The following PKHD1 variants were observed in gnomAD, a reference collection of about 807,000 sequenced individuals.
The protein encoded by PKHD1 is PKHD1 ciliary IPT domain containing fibrocystin/polyductin.
A neutral mutation model predicts 412.0 loss-of-function variants in PKHD1; 291 were observed. The ratio of observed to expected loss-of-function variants is 0.71; its 90% CI spans 0.64 to 0.78. PKHD1 has a LOEUF of 0.78. Ranked by LOEUF, PKHD1 falls within the 30% of genes least tolerant of loss-of-function variation. The pLI, the probability that PKHD1 is intolerant of heterozygous loss-of-function variation, is 0.00. For missense variants in PKHD1, 4,825 were observed against 4,950.7 expected (o/e 0.97, Z 0.76); for synonymous variants, 1,777 against 1,821.5 (o/e 0.98, Z 0.62).
chr6:51,999,290 A>G (rs572311463), intron 35 of PKHD1, among the ~76,000 whole-genome samples: 9 of 152,064 alleles, frequency 5.9e-5, no homozygotes, highest in Non-Finnish European at 2.9e-5. Context: ...CATTCCTCCC[A>G]ATGCTCCTGC....
At chr6:52,061,911 T>C (rs1229626868) in intron 14 of PKHD1, among the ~76,000 whole-genome samples, 2 of 152,210 alleles carry the variant, frequency 1.3e-5, no homozygotes, top group Non-Finnish European at 1.5e-5. Flanking sequence ...AAGTTTACTT[T>C]AGAATACTAG....
rs147347001 is a variant in PKHD1, at chr6:51,891,083, C to T, written c.6997-3838G>A. Reference sequence around the variant, plus strand: ...TCACACAGCTCAGGGAGTTTTACTACATTCTCAGTAAGGATGGATTGAGAG... The same window carrying T: ...TCACACAGCTCAGGGAGTTTTACTATATTCTCAGTAAGGATGGATTGAGAG... On this transcript the variant is annotated intron_variant, in intron 43 of 66. Transcript: ENST00000371117. 2.5e-3 allele frequency among the ~76,000 whole-genome samples: 375 copies of T among 152,330 alleles called. 3 individuals are homozygous for T. Among genetic ancestry groups the T allele is most frequent in the African/African-American group, 8.1e-3 (335 of 41,570 alleles).
intron 37 of PKHD1, among the ~76,000 whole-genome samples, chr6:51,917,473 G>A (rs1784006976): frequency 6.6e-6 from 1 of 151,984 alleles, no homozygotes; most frequent in Admixed American, 6.6e-5. Context: ...ACAAGAAATA[G>A]ACAAAAATCA....
chr6:52,067,820 A>G (rs1428906390), intron 11 of PKHD1, among the ~76,000 whole-genome samples: 3 of 152,170 alleles, frequency 2.0e-5, no homozygotes, highest in Non-Finnish European at 4.4e-5. Flanking sequence ...AGTTTGCCCC[A>G]TTTCCAGTAG....
chr6:51,984,066 C>T (rs1795919229), intron 35 of PKHD1, among the ~76,000 whole-genome samples: 1 of 152,178 alleles, frequency 6.6e-6, no homozygotes. Flanking sequence ...GATTTGAAAA[C>T]TCTGAGTTAT....
In PKHD1 at chr6:51,736,337, C is replaced by T. The variant is rs187370036; in HGVS notation, c.10156+8048G>A. Among the ~76,000 whole-genome samples the T allele has an allele frequency of 3.3e-5, 5 of 152,232 alleles. No individual in the cohort carries two copies. The East Asian group carries it at 9.7e-4, about 29-fold the overall frequency. ...AGCATGGACTACTTTGAAATGTAAT[C>T]AAATATTGTTATGGCATTCACTGCC... On this transcript the variant is annotated intron_variant, in intron 60 of 66. Coordinates refer to ENST00000371117, the MANE Select transcript of PKHD1 (RefSeq NM_138694.4).
At chr6:51,812,481 A>G (rs1764842950) in intron 52 of PKHD1, among the ~76,000 whole-genome samples, 1 of 152,164 alleles carries the variant, frequency 6.6e-6, no homozygotes, top group Non-Finnish European at 1.5e-5. Flanking sequence ...CTGCCTTTGG[A>G]ATTTAGGTAC....
chr6:51,843,598 C>G (rs1264349950), intron 50 of PKHD1, among the ~76,000 whole-genome samples: 3 of 152,170 alleles, frequency 2.0e-5, no homozygotes, highest in African/African-American at 7.2e-5. Flanking sequence ...GGATTTTTCT[C>G]CCAACTTTGC....
intron 59 of PKHD1, 128 bp downstream of exon 59, chr6:51,746,593 A>G (rs955754262): frequency 5.8e-6 from 4 of 691,720 alleles, no homozygotes; most frequent in Non-Finnish European, 1.0e-5. Context: ...AAGTTAATGT[A>G]CCTTACCATT....
At chr6:51,692,787 T>C (rs1216480132) in intron 60 of PKHD1, among the ~76,000 whole-genome samples, 2 of 152,306 alleles carry the variant, frequency 1.3e-5, no homozygotes, top group East Asian at 3.9e-4. Flanking sequence ...ATTTATTGTT[T>C]AATTTTTCTC....
At chr6:51,781,651 A>T (rs1428692150) in intron 53 of PKHD1, among the ~76,000 whole-genome samples, 2 of 152,066 alleles carry the variant, frequency 1.3e-5, no homozygotes, top group Non-Finnish European at 2.9e-5. Context: ...TATATGGCAC[A>T]GTGTCTGTAC....
chr6:51,945,809 T>C (rs1055420321), intron 36 of PKHD1, among the ~76,000 whole-genome samples: 8 of 152,170 alleles, frequency 5.3e-5, no homozygotes, highest in African/African-American at 1.7e-4. Context: ...CAGCCCAGAA[T>C]ACACAGAACC....
intron 53 of PKHD1, among the ~76,000 whole-genome samples, chr6:51,786,935 T>C (rs768279329): frequency 2.0e-5 from 3 of 152,232 alleles, no homozygotes; most frequent in Non-Finnish European, 2.9e-5. Context: ...GAAATTGAGT[T>C]TGGCATTTGT....
Position 51,868,037 on chromosome 6 carries a change from T to G in PKHD1, c.7559A>C (p.His2520Pro), listed in dbSNP as rs1427622456. ...ATCCAAGTCTTCCAAAATTGCTGCA[T>G]GAGGAAATGGAAATGCCACTAAGTT... ...SSNLVAFPFP[H>P]AAILEDLDGS... The change falls in exon 48 of 67, where the codon CAT becomes CCT. Residue 2520 changes from histidine (H) to proline (P), a missense_variant. His to Pro is a moderately conservative substitution (Grantham distance 77). Transcript: ENST00000371117. 1 of 1,612,000 alleles carries G rather than the reference T, an allele frequency of 6.2e-7. No homozygotes were observed. Among genetic ancestry groups the G allele is most frequent in the Admixed American group, 1.7e-5 (1 of 59,938 alleles).
intron 60 of PKHD1, among the ~76,000 whole-genome samples, chr6:51,698,202 T>C (rs995495914): frequency 3.3e-5 from 5 of 152,154 alleles, no homozygotes; most frequent in Admixed American, 6.5e-5. Context: ...TCTAGAGGTA[T>C]AAAACCCATT....
In PKHD1 at chr6:51,630,332, C is replaced by A. The variant is rs547309186; in HGVS notation, c.11665+2233G>T. ...ATACTTCAGCAAAAACAATACATTG[C>A]AATAGGTCGAATGCAGAAGCTGCCA... On this transcript the variant is annotated intron_variant, in intron 65 of 66. Coordinates refer to ENST00000371117, the MANE Select transcript of PKHD1 (RefSeq NM_138694.4). Among the ~76,000 whole-genome samples, 4 of 152,230 alleles carry A rather than the reference C, an allele frequency of 2.6e-5. No individual in the cohort carries two copies. In the South Asian group the frequency reaches 8.3e-4, roughly 32 times the overall value.
chr6:51,782,585 T>G (rs1792203744), intron 53 of PKHD1, among the ~76,000 whole-genome samples: 2 of 152,184 alleles, frequency 1.3e-5, no homozygotes, highest in Non-Finnish European at 2.9e-5. Flanking sequence ...AAACAACCGT[T>G]AGTTTGATTA....
chr6:51,861,430 A>T (rs1337608729), intron 48 of PKHD1, among the ~76,000 whole-genome samples: 1 of 152,196 alleles, frequency 6.6e-6, no homozygotes, highest in Non-Finnish European at 1.5e-5. Context: ...TGTGAAATAA[A>T]TCCTCTGTAA....
chr6:51,665,696 T>A (rs1264694701), intron 60 of PKHD1, among the ~76,000 whole-genome samples: 1 of 152,150 alleles, frequency 6.6e-6, no homozygotes, highest in Non-Finnish European at 1.5e-5. Context: ...TCTCTTAAAA[T>A]GTACATTTCA....
Sources: allele counts gnomAD v4.1 joint callset (sites outside exome capture counted in the v4.1 genomes callset), GRCh38; gene constraint gnomAD v4.1.1; transcripts MANE v1.5; gene names NCBI Gene and HGNC (gene_info 2026-07-23, HGNC 2026-07-21).